Variants in RARB observed in about 807,000 individuals in gnomAD.
RARB encodes the protein retinoic acid receptor beta, also known as HBV-activated protein.
A neutral mutation model predicts 51.9 loss-of-function variants in RARB; 17 were observed. That is an observed-to-expected ratio of 0.33 (90% CI 0.22 to 0.49). The LOEUF (loss-of-function observed/expected upper bound fraction) is 0.49. Among genes scored for constraint, RARB ranks in the 20% least tolerant of loss-of-function variants. The pLI is 0.99. For synonymous variants in RARB, 215 were observed against 195.4 expected (o/e 1.10, Z -0.84); for missense variants, 369 against 550.8 (o/e 0.67, Z 3.30).
intron 5 of RARB, among the ~76,000 whole-genome samples, chr3:25,207,000 C>T (rs1701565584): frequency 6.6e-6 from 1 of 152,130 alleles, no homozygotes; most frequent in Non-Finnish European, 1.5e-5. Flanking sequence ...TCTGCTTTTT[C>T]CATGGTTATT....
At chr3:24,972,717 T>C (rs1377375983) in intron 2 of RARB, among the ~76,000 whole-genome samples, 1 of 152,102 alleles carries the variant, frequency 6.6e-6, no homozygotes, top group Non-Finnish European at 1.5e-5. Flanking sequence ...CATTGTGGTT[T>C]TGACTTGCAT....
chr3:25,529,028 T>A (rs1698781745), intron 3 of RARB, among the ~76,000 whole-genome samples: 1 of 151,976 alleles, frequency 6.6e-6, no homozygotes, highest in African/African-American at 2.4e-5. Flanking sequence ...TCAAAATTGT[T>A]CAATTGTTCA....
intron 5 of RARB, among the ~76,000 whole-genome samples, chr3:25,227,082 T>C (rs981693877): frequency 6.6e-6 from 1 of 152,260 alleles, no homozygotes; most frequent in Non-Finnish European, 1.5e-5. Context: ...TGTAAAGATG[T>C]TGCTTAGGAG....
intron 2 of RARB, among the ~76,000 whole-genome samples, chr3:24,971,015 C>T (rs759950663): frequency 6.6e-5 from 10 of 151,970 alleles, no homozygotes; most frequent in Admixed American, 2.6e-4. Flanking sequence ...CCAGTATCAT[C>T]GTTCTAGTAT....
intron 4 of RARB, among the ~76,000 whole-genome samples, chr3:25,145,471 G>C (rs1700171690): frequency 6.6e-6 from 1 of 150,628 alleles, no homozygotes; most frequent in African/African-American, 2.4e-5. Flanking sequence ...TCAGCTTATA[G>C]AGTTACTCAT....
intron 2 of RARB, among the ~76,000 whole-genome samples, chr3:24,945,875 C>T (rs1695762283): frequency 6.6e-6 from 1 of 152,196 alleles, no homozygotes; most frequent in Non-Finnish European, 1.5e-5. Context: ...TAATATTTTG[C>T]TTTCAAACTG....
Position 24,832,651 on chromosome 3 carries a change from A to AT in RARB, c.-459+3248_-459+3249insT, listed in dbSNP as rs1553606277. On this transcript the variant is annotated intron_variant, in intron 1 of 11. Coordinates refer to the RARB transcript ENST00000383772. The stretch of plus-strand genomic sequence containing the variant: ...CCAATATATATATATATATATATAT[A>AT]ATGTCAATTAAAAATGAAATTCTTA... 4.9e-3 allele frequency among the ~76,000 whole-genome samples: 673 copies of AT among 136,586 alleles called. 16 individuals carry two copies. Among genetic ancestry groups the AT allele is most frequent in the African/African-American group, 0.017 (611 of 35,846 alleles). 89.6% of individuals were successfully genotyped at this position (136,586 alleles called of 152,430 possible).
chr3:25,371,508 T>G (rs1706296820), intron 5 of RARB, among the ~76,000 whole-genome samples: 1 of 152,248 alleles, frequency 6.6e-6, no homozygotes, highest in African/African-American at 2.4e-5. Flanking sequence ...TGGTTTCTGA[T>G]TTGCTGATTA....
intron 3 of RARB, among the ~76,000 whole-genome samples, chr3:25,127,313 C>A (rs1040164276): frequency 2.0e-5 from 3 of 152,162 alleles, no homozygotes; most frequent in Non-Finnish European, 4.4e-5. Context: ...CCACGGCCCA[C>A]CAGCCTTCTA....
chr3:25,434,573 G>A (rs1033493076), intron 1 of RARB, among the ~76,000 whole-genome samples: 5 of 121,414 alleles, frequency 4.1e-5, no homozygotes, highest in East Asian at 2.5e-4. Context: ...ATGGAGTCTC[G>A]CCCTGTTGCC....
chr3:25,399,490 A>G (rs1210110708), intron 5 of RARB, among the ~76,000 whole-genome samples: 1 of 152,106 alleles, frequency 6.6e-6, no homozygotes, highest in Non-Finnish European at 1.5e-5. Context: ...TATCCACTTC[A>G]TCCTTTTTCT....
At chr3:25,176,293 TTTTCTTTC>T (rs758062670) in intron 5 of RARB, among the ~76,000 whole-genome samples, 3 of 64,216 alleles carry the variant, frequency 4.7e-5, no homozygotes, top group African/African-American at 1.7e-4. Flanking sequence ...TATATTTATC[TTTTCTTTC>T]TTTCTTTCTT....
chr3:25,027,446 A>G (rs2125288205), intron 2 of RARB, among the ~76,000 whole-genome samples: 1 of 152,202 alleles, frequency 6.6e-6, no homozygotes, highest in South Asian at 2.1e-4. Flanking sequence ...ATAGGGAGAC[A>G]TTCATTTCTG....
At chr3:25,292,140 G>T (rs556955088) in intron 5 of RARB, among the ~76,000 whole-genome samples, 5 of 152,068 alleles carry the variant, frequency 3.3e-5, no homozygotes, top group African/African-American at 9.6e-5. Context: ...GGTTGCTGAT[G>T]AGCAGAGTTG....
At chr3:25,431,947 T>C (rs1708226269) in intron 1 of RARB, among the ~76,000 whole-genome samples, 1 of 152,114 alleles carries the variant, frequency 6.6e-6, no homozygotes, top group African/African-American at 2.4e-5. Context: ...AGATACCCTC[T>C]GAAAGAAAGA....
intron 1 of RARB, among the ~76,000 whole-genome samples, chr3:25,434,450 C>T (rs1303587879): frequency 6.6e-6 from 1 of 152,000 alleles, no homozygotes; most frequent in African/African-American, 2.4e-5. Context: ...AAATATCATC[C>T]ACTCACAAAC....
intron 5 of RARB, among the ~76,000 whole-genome samples, chr3:25,247,616 C>T (rs987921832): frequency 6.6e-5 from 10 of 152,204 alleles, no homozygotes; most frequent in African/African-American, 2.4e-4. Flanking sequence ...AGGCAATGCC[C>T]CACCCTGCTT....
intron 2 of RARB, among the ~76,000 whole-genome samples, chr3:24,972,744 G>A (rs1288612980): frequency 3.3e-5 from 5 of 151,964 alleles, no homozygotes; most frequent in Non-Finnish European, 7.4e-5. Flanking sequence ...GATGATTAGT[G>A]ATATTAAACA....
intron 1 of RARB, among the ~76,000 whole-genome samples, chr3:24,852,336 G>A (rs575929184): frequency 6.6e-5 from 10 of 152,118 alleles, no homozygotes; most frequent in Admixed American, 2.0e-4. Flanking sequence ...GCTCCACACC[G>A]AACCCACCTA....
Sources: gnomAD v4.1 joint callset for allele counts (sites outside exome capture counted in the v4.1 genomes callset) on GRCh38, gnomAD v4.1.1 for gene constraint, MANE v1.5 for transcripts, NCBI Gene and HGNC (gene_info 2026-07-23, HGNC 2026-07-21) for gene names.